Variants in LRP1B observed in about 807,000 individuals in gnomAD.
LRP1B encodes low-density lipoprotein receptor-related protein 1B.
In LRP1B, 217 loss-of-function variants were observed where a neutral mutation model predicts 556.6. The observed-to-expected ratio is 0.39, with a 90% confidence interval of 0.35 to 0.44. LRP1B has a LOEUF of 0.44. Ranked by LOEUF, LRP1B falls within the 20% of genes least tolerant of loss-of-function variation. The probability of loss-of-function intolerance (pLI) is 1.00; values close to 1 mark genes in which losing one functional copy is unlikely to be tolerated. For synonymous variants in LRP1B, 2,047 were observed against 1,865.8 expected (o/e 1.10, Z -2.50); for missense variants, 5,053 against 5,620.8 (o/e 0.90, Z 3.23).
intron 3 of LRP1B, among the ~76,000 whole-genome samples, chr2:141,261,691 T>C (rs1295006738): frequency 2.0e-5 from 3 of 152,066 alleles, no homozygotes; most frequent in Non-Finnish European, 2.9e-5. Flanking sequence ...TATTAGGTAG[T>C]TCATCTATAT....
chr2:141,383,023 A>C (rs560486463), intron 3 of LRP1B, among the ~76,000 whole-genome samples: 1 of 152,340 alleles, frequency 6.6e-6, no homozygotes. Flanking sequence ...CTCATAAAAT[A>C]ATAGCAAGAA....
intron 2 of LRP1B, among the ~76,000 whole-genome samples, chr2:141,748,431 A>G (rs2105560383): frequency 6.6e-6 from 1 of 152,232 alleles, no homozygotes; most frequent in South Asian, 2.1e-4. Flanking sequence ...TTGTTTCTCT[A>G]TTATAGGACA....
At chr2:140,246,063 T>C (rs745900070) in intron 87 of LRP1B, among the ~76,000 whole-genome samples, 6 of 151,550 alleles carry the variant, frequency 4.0e-5, no homozygotes, top group South Asian at 2.1e-4. Flanking sequence ...TGGACAATGA[T>C]ATCGAAACTG....
chr2:141,341,175 T>A (rs1308701088), intron 3 of LRP1B, among the ~76,000 whole-genome samples: 1 of 152,194 alleles, frequency 6.6e-6, no homozygotes, highest in Non-Finnish European at 1.5e-5. Context: ...CACAGGCTAA[T>A]CTGCAGATGA....
chr2:142,054,605 C>T (rs1193621175), intron 1 of LRP1B, among the ~76,000 whole-genome samples: 1 of 152,110 alleles, frequency 6.6e-6, no homozygotes, highest in Non-Finnish European at 1.5e-5. Flanking sequence ...GACACATAGT[C>T]AAATTCGGCT....
chr2:140,564,259 A>T (rs567294972), intron 43 of LRP1B, among the ~76,000 whole-genome samples: 10 of 152,100 alleles, frequency 6.6e-5, no homozygotes, highest in Admixed American at 4.6e-4. Context: ...CACAACTGAA[A>T]TTTTTTTCCT....
chr2:141,042,346 G>A (rs549284339), intron 11 of LRP1B, among the ~76,000 whole-genome samples: 30 of 152,204 alleles, frequency 2.0e-4, no homozygotes, highest in Non-Finnish European at 3.7e-4. Context: ...TGTAACATGT[G>A]CCATGGTATG....
intron 72 of LRP1B, among the ~76,000 whole-genome samples, chr2:140,359,842 A>C (rs187495976): frequency 1.3e-5 from 2 of 151,606 alleles, no homozygotes; most frequent in Non-Finnish European, 3.0e-5. Context: ...CCTTGTTCTC[A>C]AACACGTTTT....
At position 140,495,561 on chromosome 2, in the gene LRP1B, A is replaced by T; in HGVS notation, c.9034+4T>A. The T allele has an allele frequency of 6.4e-7, 1 of 1,573,776 alleles. No individual in the cohort carries two copies. The highest frequency in any genetic ancestry group is 8.7e-7 in the Non-Finnish European group (1 of 1,149,732). On this transcript the variant is annotated splice_donor_region_variant and intron_variant, in intron 56 of 90. Coordinates refer to ENST00000389484, the MANE Select transcript of LRP1B (RefSeq NM_018557.3). ...TGGATCAGTGGGCAAGTTCAATTCGATACCTGAGAGCGATTTGCAGCCATT... is the reference window on the plus strand; with the variant it reads ...TGGATCAGTGGGCAAGTTCAATTCGTTACCTGAGAGCGATTTGCAGCCATT...
chr2:140,959,499 A>C (rs1042988742), intron 18 of LRP1B, among the ~76,000 whole-genome samples: 13 of 151,684 alleles, frequency 8.6e-5, no homozygotes, highest in Non-Finnish European at 1.5e-4. Flanking sequence ...ATGTAGGTTT[A>C]ATGTAGTCCT....
chr2:141,560,272 C>G (rs975310185), intron 2 of LRP1B, among the ~76,000 whole-genome samples: 3 of 151,648 alleles, frequency 2.0e-5, no homozygotes, highest in African/African-American at 7.3e-5. Context: ...TCTCCTTTCC[C>G]CAAGGCAACC....
intron 2 of LRP1B, among the ~76,000 whole-genome samples, chr2:141,648,649 A>G (rs1689672576): frequency 6.6e-6 from 1 of 152,224 alleles, no homozygotes; most frequent in South Asian, 2.1e-4. Context: ...TCCATAGCAC[A>G]TAGAATATGT....
chr2:141,860,285 T>C (rs1489870470), intron 1 of LRP1B, among the ~76,000 whole-genome samples: 1 of 152,188 alleles, frequency 6.6e-6, no homozygotes, highest in Non-Finnish European at 1.5e-5. Flanking sequence ...AGCAATTTCT[T>C]CAGTAACGCT....
intron 3 of LRP1B, among the ~76,000 whole-genome samples, chr2:141,297,187 G>T (rs935215699): frequency 6.6e-6 from 1 of 152,008 alleles, no homozygotes. Context: ...GTGTCTTTTC[G>T]GTAGAACAAT....
In LRP1B at chr2:141,797,163, AT is replaced by A. The variant is rs1558881889; in HGVS notation, c.205+13115del. Among the ~76,000 whole-genome samples the A allele has an allele frequency of 1.5e-4, 13 of 86,310 alleles. 1 individual carries two copies. Among genetic ancestry groups the A allele is most frequent in the African/African-American group, 4.2e-4 (12 of 28,506 alleles). The allele number at this position is 86,310 out of a possible 152,430, so 56.6% of individuals were successfully genotyped here. On this transcript the variant is annotated intron_variant, in intron 2 of 90. Transcript: ENST00000389484. ...AAAATAATCATATATATATATATAT[AT>A]ATATATATATATATATATATATAAC...
chr2:140,895,258 A>T (rs1404972353), intron 23 of LRP1B, among the ~76,000 whole-genome samples: 2 of 152,188 alleles, frequency 1.3e-5, no homozygotes, highest in Non-Finnish European at 1.5e-5. Flanking sequence ...AGGCTGAGAT[A>T]AAAAAATTAT....
chr2:141,759,974 C>CAA (rs1194466185), intron 2 of LRP1B, among the ~76,000 whole-genome samples: 7 of 152,004 alleles, frequency 4.6e-5, no homozygotes, highest in Admixed American at 1.3e-4. Context: ...TACTAAAATA[C>CAA]AAAAATTAGC....
At chr2:141,969,985 G>T (rs111251240) in intron 1 of LRP1B, among the ~76,000 whole-genome samples, 3 of 151,378 alleles carry the variant, frequency 2.0e-5, no homozygotes, top group Non-Finnish European at 4.4e-5. Flanking sequence ...ACATGTGTGA[G>T]CTGATATCTC....
At chr2:141,656,930 G>A (rs111434220) in intron 2 of LRP1B, among the ~76,000 whole-genome samples, 3 of 152,026 alleles carry the variant, frequency 2.0e-5, no homozygotes, top group Admixed American at 1.3e-4. Flanking sequence ...AATTTAGCAC[G>A]AGTATAAAGT....
Sources: gnomAD v4.1 joint callset for allele counts (sites outside exome capture counted in the v4.1 genomes callset) on GRCh38, gnomAD v4.1.1 for gene constraint, MANE v1.5 for transcripts, NCBI Gene and HGNC (gene_info 2026-07-23, HGNC 2026-07-21) for gene names.